Variants in ANKRD44 observed in about 807,000 individuals in gnomAD.
The protein encoded by ANKRD44 is ankyrin repeat domain 44.
ANKRD44 carries 35 observed loss-of-function variants against 116.0 expected under a neutral mutation model. That is an observed-to-expected ratio of 0.30 (90% CI 0.23 to 0.40). The LOEUF is 0.40. Ranked by LOEUF, ANKRD44 falls within the 10% of genes least tolerant of loss-of-function variation. ANKRD44 has a pLI of 1.00. For missense variants in ANKRD44, 1,014 were observed against 1,242.6 expected, an observed-to-expected ratio of 0.82 and a Z score of 2.77; for synonymous variants, 435 against 461.8, an observed-to-expected ratio of 0.94 and a Z score of 0.74.
At position 197,086,753 on chromosome 2, in the gene ANKRD44, A is replaced by G. The variant is rs771915572; in HGVS notation, c.1248-5T>C. On this transcript the variant is annotated splice_polypyrimidine_tract_variant and splice_region_variant and intron_variant, in intron 12 of 27. Transcript: ENST00000282272. ...AGTTTTATACATTCCACATTACTAG[A>G]AAGACAGGGAAAACATCATTAAGAT... 4 of 1,613,356 alleles carry G rather than the reference A, an allele frequency of 2.5e-6. No homozygotes were observed. Among genetic ancestry groups the G allele is most frequent in the South Asian group, 2.2e-5 (2 of 91,062 alleles).
chr2:197,074,640 C>T (rs4850414), intron 16 of ANKRD44, among the ~76,000 whole-genome samples: 94,325 of 151,842 alleles, frequency 0.62, 32,117 homozygotes, highest in East Asian at 0.86. Flanking sequence ...CCATACCTGG[C>T]TAATTTTAAA....
chr2:197,010,385 C>T (rs1026496462), intron 18 of ANKRD44, among the ~76,000 whole-genome samples: 6 of 152,174 alleles, frequency 3.9e-5, no homozygotes, highest in African/African-American at 1.4e-4. Context: ...CCTGGGAGCC[C>T]TTTCCTAGGC....
intron 3 of ANKRD44, among the ~76,000 whole-genome samples, chr2:197,143,453 T>A (rs1054340214): frequency 2.0e-5 from 3 of 150,142 alleles, no homozygotes; most frequent in South Asian, 2.1e-4. Flanking sequence ...ATGCGGTGTT[T>A]GGTTTTTTGT....
chr2:197,068,244 G>A (rs2077477826), intron 16 of ANKRD44, among the ~76,000 whole-genome samples: 1 of 133,070 alleles, frequency 7.5e-6, no homozygotes, highest in South Asian at 2.6e-4. Context: ...ATAGCATTGG[G>A]AGATATACCT....
chr2:197,108,841 AAACAACAACAACAAC>A (rs138617040), intron 9 of ANKRD44, among the ~76,000 whole-genome samples: 11 of 150,078 alleles, frequency 7.3e-5, no homozygotes, highest in African/African-American at 2.0e-4. Flanking sequence ...GTGTCTTAAA[AAACAACAACAACAAC>A]AACAACAACA....
intron 1 of ANKRD44, among the ~76,000 whole-genome samples, chr2:197,205,095 G>T (rs2081177249): frequency 6.6e-6 from 1 of 152,210 alleles, no homozygotes; most frequent in Admixed American, 6.5e-5. Flanking sequence ...CCCAATTGTG[G>T]CTGCACATTA....
Position 197,151,616 on chromosome 2 carries a change from G to A in ANKRD44, c.112-4511C>T, listed in dbSNP as rs147144995. Among the ~76,000 whole-genome samples, 30 of 152,204 alleles carry A rather than the reference G, an allele frequency of 2.0e-4. 1 individual carries two copies. Among genetic ancestry groups the A allele is most frequent in the Admixed American group, 1.4e-3 (22 of 15,302 alleles). ...AATAAGCACAGGAACTTTGGGCTACGTTTTACAATCATTTATTCAGCCATA... is the reference window on the plus strand; with the variant it reads ...AATAAGCACAGGAACTTTGGGCTACATTTTACAATCATTTATTCAGCCATA... On this transcript the variant is annotated intron_variant, in intron 2 of 27. Transcript: ENST00000282272.
chr2:197,216,868 A>AC (rs2081456357), intron 1 of ANKRD44, among the ~76,000 whole-genome samples: 1 of 102,008 alleles, frequency 9.8e-6, no homozygotes, highest in Admixed American at 1.2e-4. Flanking sequence ...CACATTGGTT[A>AC]AACACACACA....
chr2:197,105,953 C>T (rs757306701), intron 9 of ANKRD44, among the ~76,000 whole-genome samples: 12 of 152,174 alleles, frequency 7.9e-5, no homozygotes, highest in Non-Finnish European at 1.6e-4. Context: ...CACATCCTTC[C>T]CAGCCAAGAG....
At position 196,989,452 on chromosome 2, in the gene ANKRD44, G is replaced by C; in HGVS notation, c.*139C>G. ...CTTGCATTTTGAAGGAAAAAAATGTGTATCTTCCATTTTAGACTGAAGCAT... is the reference window on the plus strand; with the variant it reads ...CTTGCATTTTGAAGGAAAAAAATGTCTATCTTCCATTTTAGACTGAAGCAT... On this transcript the variant is annotated 3_prime_UTR_variant, in exon 28 of 28. Transcript: ENST00000282272. The C allele has an allele frequency of 7.9e-7, 1 of 1,271,376 alleles. No homozygotes were observed. Among genetic ancestry groups the C allele is most frequent in the Non-Finnish European group, 9.9e-7 (1 of 1,006,242 alleles). 78.8% of individuals were successfully genotyped at this position (1,271,376 alleles called of 1,614,324 possible).
At chr2:197,273,960 CAAAAAAAAAA>C (rs1158937486) in intron 1 of ANKRD44, among the ~76,000 whole-genome samples, 4 of 9,350 alleles carry the variant, frequency 4.3e-4, no homozygotes, top group East Asian at 6.1e-3. Context: ...CAACCAACCA[CAAAAAAAAAA>C]AAAAAAAAAA....
chr2:197,196,305 C>T (rs1160529884), intron 1 of ANKRD44, among the ~76,000 whole-genome samples: 2 of 152,072 alleles, frequency 1.3e-5, no homozygotes, highest in Non-Finnish European at 2.9e-5. Context: ...TAGGTATATT[C>T]AGTATAATTT....
intron 16 of ANKRD44, among the ~76,000 whole-genome samples, chr2:197,051,972 T>C (rs1400274608): frequency 6.6e-6 from 1 of 152,174 alleles, no homozygotes; most frequent in Non-Finnish European, 1.5e-5. Context: ...TAAAAGTAGA[T>C]TGAAAAATTA....
intron 1 of ANKRD44, among the ~76,000 whole-genome samples, chr2:197,221,533 A>G (rs1336702166): frequency 6.6e-6 from 1 of 152,180 alleles, no homozygotes; most frequent in Non-Finnish European, 1.5e-5. Context: ...CTCTTTGACT[A>G]GTAAGCCTGA....
intron 1 of ANKRD44, among the ~76,000 whole-genome samples, chr2:197,230,859 G>C (rs1214396085): frequency 6.6e-6 from 1 of 152,106 alleles, no homozygotes; most frequent in Non-Finnish European, 1.5e-5. Flanking sequence ...ACCAGCAGAG[G>C]CAGAGGAAAG....
intron 16 of ANKRD44, among the ~76,000 whole-genome samples, chr2:197,049,575 A>G (rs975662052): frequency 4.6e-5 from 7 of 152,170 alleles, no homozygotes; most frequent in Admixed American, 2.6e-4. Flanking sequence ...TTCACAGCAA[A>G]TATGCCTCAT....
At chr2:197,214,781 T>A (rs2081406728) in intron 1 of ANKRD44, among the ~76,000 whole-genome samples, 1 of 152,196 alleles carries the variant, frequency 6.6e-6, no homozygotes, top group South Asian at 2.1e-4. Flanking sequence ...AAGCAAAGTC[T>A]TGAATTGGAA....
chr2:197,036,382 C>A (rs1055738621), intron 16 of ANKRD44, among the ~76,000 whole-genome samples: 5 of 152,146 alleles, frequency 3.3e-5, no homozygotes, highest in Non-Finnish European at 7.3e-5. Context: ...CCTCACCCTC[C>A]CGAGTAGCTG....
chr2:197,221,076 C>T (rs1415967650), intron 1 of ANKRD44, among the ~76,000 whole-genome samples: 1 of 151,998 alleles, frequency 6.6e-6, no homozygotes. Flanking sequence ...GTGGTGAAAC[C>T]CCGTCTCTAC....
Sources: allele counts gnomAD v4.1 joint callset (sites outside exome capture counted in the v4.1 genomes callset), GRCh38; gene constraint gnomAD v4.1.1; transcripts MANE v1.5; gene names NCBI Gene and HGNC (gene_info 2026-07-23, HGNC 2026-07-21).